Variants in PTGR1 observed in about 807,000 individuals in gnomAD.
PTGR1 encodes 15-oxoprostaglandin 13-reductase.
Under a neutral mutation model 37.7 loss-of-function variants are expected in PTGR1, and 23 were observed. The observed-to-expected ratio is 0.61, with a 90% CI of 0.44 to 0.86. The LOEUF (loss-of-function observed/expected upper bound fraction) is 0.86. Among genes scored for constraint, PTGR1 ranks in the 40% least tolerant of loss-of-function variants. The probability of loss-of-function intolerance (pLI) is 0.00; values close to 1 mark genes in which losing one functional copy is unlikely to be tolerated. For synonymous variants in PTGR1, 134 were observed against 140.0 expected (o/e 0.96, Z 0.30); for missense variants, 351 against 394.3 (o/e 0.89, Z 0.93).
rs181954915 is a variant in PTGR1 at position 111,590,139 on chromosome 9, C to T, written c.209+2787G>A. Reference sequence around the variant, plus strand: ...GAGAAGCTTTTACAAATCAATATAACGAATGATAAGACCTAAAGGAAAAGG... The same window carrying T: ...GAGAAGCTTTTACAAATCAATATAATGAATGATAAGACCTAAAGGAAAAGG... On this transcript the variant is annotated intron_variant, in intron 4 of 9. Transcript: ENST00000407693. Among the ~76,000 whole-genome samples, 481 of 151,962 alleles carry T rather than the reference C, an allele frequency of 3.2e-3. 8 individuals carry two copies. The highest frequency in any genetic ancestry group is 0.021 in the Admixed American group (324 of 15,240).
At chr9:111,588,850 G>C (rs533618018) in intron 4 of PTGR1, among the ~76,000 whole-genome samples, 1 of 152,120 alleles carries the variant, frequency 6.6e-6, no homozygotes, top group South Asian at 2.1e-4. Flanking sequence ...TTGTAGAGAC[G>C]GGGTTTACCA....
intron 9 of PTGR1, chr9:111,563,506 TTTC>T (rs1452193306): frequency 2.0e-5 from 5 of 253,850 alleles, no homozygotes; most frequent in African/African-American, 1.1e-4. Context: ...TCTCTTTTTC[TTTC>T]TTTTTTTTTT....
At chr9:111,590,580 A>G (rs914422181) in intron 4 of PTGR1, among the ~76,000 whole-genome samples, 32 of 152,332 alleles carry the variant, frequency 2.1e-4, no homozygotes, top group African/African-American at 7.5e-4. Context: ...GCTGGTCTCA[A>G]ATTCCTGACC....
chr9:111,555,424 C>T (rs1403683824), intron 9 of PTGR1, among the ~76,000 whole-genome samples: 2 of 152,112 alleles, frequency 1.3e-5, no homozygotes, highest in Admixed American at 6.6e-5. Context: ...CATCAGAAGG[C>T]CGTTGTGCTA....
downstream of PTGR1, among the ~76,000 whole-genome samples, chr9:111,559,500 C>G (rs969529425): frequency 1.7e-4 from 26 of 152,070 alleles, no homozygotes; most frequent in Admixed American, 9.8e-4. Flanking sequence ...TGACTCAAGC[C>G]ATGTTCATTT....
chr9:111,579,496 G>A (rs771169598), intron 6 of PTGR1, among the ~76,000 whole-genome samples: 2 of 152,134 alleles, frequency 1.3e-5, no homozygotes, highest in South Asian at 2.1e-4. Flanking sequence ...TCTTAAGCTC[G>A]TGATCCTCCC....
downstream of PTGR1, among the ~76,000 whole-genome samples, chr9:111,561,149 GA>G (rs1564608109): frequency 3.8e-4 from 6 of 15,902 alleles, 1 homozygote; most frequent in Non-Finnish European, 5.5e-4. Flanking sequence ...GAGAGAGAGG[GA>G]GAGAGAGAGA....
At chr9:111,573,069 G>A (rs964352942) in intron 8 of PTGR1, among the ~76,000 whole-genome samples, 3 of 152,116 alleles carry the variant, frequency 2.0e-5, no homozygotes, top group Admixed American at 6.5e-5. Context: ...AAAATGGAAC[G>A]GACAAGGCCA....
intron 9 of PTGR1, among the ~76,000 whole-genome samples, chr9:111,567,705 G>A (rs1398815488): frequency 5.3e-5 from 8 of 152,110 alleles, no homozygotes; most frequent in African/African-American, 7.2e-5. Flanking sequence ...TCATAAGAAC[G>A]GCAGGATTTG....
intron 4 of PTGR1, 79 bp downstream of exon 4, chr9:111,592,847 C>T: frequency 1.3e-6 from 2 of 1,540,184 alleles, no homozygotes; most frequent in Non-Finnish European, 1.8e-6. Flanking sequence ...ATTGTAGGAG[C>T]AATGGACAGA....
At chr9:111,550,773 A>G (rs943691) in intron 9 of PTGR1, among the ~76,000 whole-genome samples, 1 of 152,102 alleles carries the variant, frequency 6.6e-6, no homozygotes, top group Admixed American at 6.5e-5. Context: ...TTTATTTCCA[A>G]GTGCATTATC....
chr9:111,565,431 G>A (rs1828514557), intron 9 of PTGR1, among the ~76,000 whole-genome samples: 1 of 152,232 alleles, frequency 6.6e-6, no homozygotes, highest in Admixed American at 6.5e-5. Context: ...AATGTAAAAT[G>A]TTAATAATAG....
At chr9:111,552,934 A>G (rs1213519394) in intron 9 of PTGR1, among the ~76,000 whole-genome samples, 2 of 152,210 alleles carry the variant, frequency 1.3e-5, no homozygotes, top group Non-Finnish European at 2.9e-5. Context: ...TAAATACGAT[A>G]AAGTGATAAT....
chr9:111,574,620 A>T, intron 8 of PTGR1, 114 bp downstream of exon 8: 5 of 699,430 alleles, frequency 7.1e-6, no homozygotes, highest in Non-Finnish European at 1.1e-5. Flanking sequence ...AAAAAAAAAA[A>T]GAATATATGA....
intron 4 of PTGR1, chr9:111,592,678 C>CTTT: frequency 7.9e-6 from 3 of 381,312 alleles, no homozygotes; most frequent in South Asian, 6.9e-5. Flanking sequence ...TGGACAAATA[C>CTTT]TTTTTTTTTT....
At chr9:111,554,290 G>A (rs899124068) in intron 9 of PTGR1, among the ~76,000 whole-genome samples, 2 of 150,582 alleles carry the variant, frequency 1.3e-5, no homozygotes, top group Non-Finnish European at 3.0e-5. Context: ...AACTAAGAAA[G>A]TCAACCTCTG....
intron 4 of PTGR1, among the ~76,000 whole-genome samples, chr9:111,587,685 C>A (rs547963232): frequency 6.6e-6 from 1 of 151,946 alleles, no homozygotes; most frequent in African/African-American, 2.4e-5. Context: ...CTCTTGACCT[C>A]GTGATCCGTC....
At chr9:111,592,570 G>C (rs921440940) in intron 4 of PTGR1, 1 of 183,166 alleles carries the variant, frequency 5.5e-6, no homozygotes, top group Non-Finnish European at 1.1e-5. Context: ...TATCTTGTGT[G>C]TGTCTATTAT....
At chr9:111,558,483 G>A (rs778007278), downstream of PTGR1, among the ~76,000 whole-genome samples, 1 of 152,132 alleles carries the variant, frequency 6.6e-6, no homozygotes, top group Non-Finnish European at 1.5e-5. Flanking sequence ...TTTGAAGTCA[G>A]CCTGGACAAC....
Sources: allele counts gnomAD v4.1 joint callset (sites outside exome capture counted in the v4.1 genomes callset), GRCh38; gene constraint gnomAD v4.1.1; transcripts MANE v1.5; gene names NCBI Gene and HGNC (gene_info 2026-07-23, HGNC 2026-07-21).